NREP: variants seen among roughly 807,000 people sequenced by gnomAD.
NREP encodes neuronal regeneration-related protein.
NREP carries 5 observed loss-of-function variants against 8.6 expected under a neutral mutation model. That is an observed-to-expected ratio of 0.58 (90% confidence interval 0.30 to 1.22). The LOEUF (loss-of-function observed/expected upper bound fraction) is 1.22. Ranked by LOEUF, NREP falls within the 50% of genes most tolerant of loss-of-function variation. NREP has a pLI of 0.07. For synonymous variants in NREP, 27 were observed against 28.0 expected (o/e 0.96, Z 0.11); for missense variants, 86 against 82.5 (o/e 1.04, Z -0.17).
chr5:111,925,158 C>T (rs891224852), intron 2 of NREP, among the ~76,000 whole-genome samples: 2 of 152,072 alleles, frequency 1.3e-5, no homozygotes, highest in African/African-American at 4.8e-5. Flanking sequence ...TCCAGAATCA[C>T]CCAGGGCTCC....
At chr5:111,890,652 C>A (rs1406504588) in intron 2 of NREP, among the ~76,000 whole-genome samples, 1 of 152,242 alleles carries the variant, frequency 6.6e-6, no homozygotes, top group East Asian at 1.9e-4. Context: ...ACAGACTTAA[C>A]ACTACATGGA....
intron 2 of NREP, among the ~76,000 whole-genome samples, chr5:111,899,610 T>C (rs1754594113): frequency 6.6e-6 from 1 of 152,176 alleles, no homozygotes; most frequent in African/African-American, 2.4e-5. Flanking sequence ...TAACAACATA[T>C]GTAAATGGTT....
chr5:111,876,045 A>G (rs1232114581), intron 2 of NREP, among the ~76,000 whole-genome samples: 1 of 152,186 alleles, frequency 6.6e-6, no homozygotes, highest in Non-Finnish European at 1.5e-5. Context: ...AATCTCTGGC[A>G]GTGCATACCC....
intron 2 of NREP, among the ~76,000 whole-genome samples, chr5:111,973,927 G>C (rs1400615687): frequency 6.6e-6 from 1 of 152,106 alleles, no homozygotes; most frequent in East Asian, 1.9e-4. Flanking sequence ...AAAGCATTTT[G>C]TTTTGGAAAT....
chr5:111,745,273 G>A (rs1037140773), intron 2 of NREP, among the ~76,000 whole-genome samples: 9 of 152,182 alleles, frequency 5.9e-5, no homozygotes, highest in Non-Finnish European at 1.2e-4. Context: ...AGAATAGTCA[G>A]GGAACCTGCC....
intron 2 of NREP, among the ~76,000 whole-genome samples, chr5:111,931,922 T>A (rs1755548382): frequency 6.6e-6 from 1 of 152,054 alleles, no homozygotes; most frequent in East Asian, 1.9e-4. Context: ...CACAACCATC[T>A]GGTGAGAGGC....
At chr5:111,883,690 C>T (rs1754150224) in intron 2 of NREP, among the ~76,000 whole-genome samples, 1 of 152,166 alleles carries the variant, frequency 6.6e-6, no homozygotes, top group Non-Finnish European at 1.5e-5. Flanking sequence ...CGCTCAACTA[C>T]ATGGAAACTG....
chr5:111,948,569 G>A (rs889342202), intron 2 of NREP, among the ~76,000 whole-genome samples: 1 of 152,052 alleles, frequency 6.6e-6, no homozygotes, highest in African/African-American at 2.4e-5. Context: ...AAAAACAAGA[G>A]CCCCTCCCTG....
intron 1 of NREP, chr5:111,975,502 A>G: frequency 4.5e-6 from 3 of 669,758 alleles, no homozygotes; most frequent in South Asian, 3.7e-5. Flanking sequence ...TGAGAAGGAC[A>G]CTGACTGGCC....
chr5:111,833,419 A>G (rs1017152428), intron 2 of NREP, among the ~76,000 whole-genome samples: 6 of 152,220 alleles, frequency 3.9e-5, no homozygotes, highest in African/African-American at 1.4e-4. Flanking sequence ...GTTGTTATGA[A>G]TGACAGAATC....
intron 2 of NREP, among the ~76,000 whole-genome samples, chr5:111,922,190 A>G (rs1176328289): frequency 6.6e-6 from 1 of 152,140 alleles, no homozygotes; most frequent in Non-Finnish European, 1.5e-5. Flanking sequence ...GAGTCTCTTG[A>G]GACAACTTTC....
intron 2 of NREP, among the ~76,000 whole-genome samples, chr5:111,828,997 A>G (rs866734215): frequency 3.3e-5 from 5 of 152,150 alleles, no homozygotes; most frequent in African/African-American, 1.2e-4. Flanking sequence ...AGAGGGGGAG[A>G]CAGCTGAGCT....
intron 1 of NREP, among the ~76,000 whole-genome samples, chr5:111,976,130 T>A (rs1756957648): frequency 6.6e-6 from 1 of 152,198 alleles, no homozygotes; most frequent in Non-Finnish European, 1.5e-5. Flanking sequence ...CAGTTTCTTA[T>A]AATAAACCAT....
chr5:111,809,599 T>C (rs1752222580), intron 2 of NREP, among the ~76,000 whole-genome samples: 1 of 152,124 alleles, frequency 6.6e-6, no homozygotes, highest in African/African-American at 2.4e-5. Context: ...AGGATATTCC[T>C]CGGGTTTTGC....
intron 2 of NREP, among the ~76,000 whole-genome samples, chr5:111,864,508 G>A (rs958510261): frequency 6.6e-6 from 1 of 152,036 alleles, no homozygotes; most frequent in Non-Finnish European, 1.5e-5. Flanking sequence ...ATAATGGAAA[G>A]ACATACATAT....
Position 111,779,809 on chromosome 5 carries a change from G to A in NREP, c.136-44302C>T, listed in dbSNP as rs17133745. ...TGGAAAGGCAACTCAATCAGATGCT[G>A]AATTGTACAGTATGAGAGAGGACAA... On this transcript the variant is annotated intron_variant, in intron 2 of 3. Transcript: ENST00000395634. 9.5e-3 allele frequency among the ~76,000 whole-genome samples: 1,444 copies of A among 152,326 alleles called. 19 individuals are homozygous for A. The highest frequency in any genetic ancestry group is 0.052 in the East Asian group (267 of 5,180).
chr5:111,858,236 C>T (rs1479930154), intron 2 of NREP, among the ~76,000 whole-genome samples: 2 of 152,142 alleles, frequency 1.3e-5, no homozygotes, highest in South Asian at 4.1e-4. Flanking sequence ...GATGCACACT[C>T]GTTTAAGAAA....
intron 2 of NREP, among the ~76,000 whole-genome samples, chr5:111,884,031 A>G (rs1286189278): frequency 2.6e-5 from 4 of 152,190 alleles, no homozygotes; most frequent in Non-Finnish European, 5.9e-5. Flanking sequence ...TATTGAATCC[A>G]GGAGCTGGTT....
chr5:111,850,371 T>C (rs898975564), intron 2 of NREP, among the ~76,000 whole-genome samples: 1 of 152,160 alleles, frequency 6.6e-6, no homozygotes, highest in African/African-American at 2.4e-5. Context: ...TAGCCTGATC[T>C]TTATCTAGAC....
Sources: gnomAD v4.1 joint callset for allele counts (sites outside exome capture counted in the v4.1 genomes callset) on GRCh38, gnomAD v4.1.1 for gene constraint, MANE v1.5 for transcripts, NCBI Gene and HGNC (gene_info 2026-07-23, HGNC 2026-07-21) for gene names.